Variants in TIAM2 observed in about 807,000 individuals in gnomAD.
TIAM2 encodes TIAM Rac1 associated GEF 2.
In TIAM2, 80 loss-of-function variants were observed where a neutral mutation model predicts 152.9. That is an observed-to-expected ratio of 0.52 (90% CI 0.44 to 0.63). The LOEUF is 0.63. TIAM2 is among the 30% of genes least tolerant of loss of function. The pLI, the probability that TIAM2 is intolerant of heterozygous loss-of-function variation, is 0.00. For missense variants in TIAM2, 1,965 were observed against 2,120.1 expected, an observed-to-expected ratio of 0.93 and a Z score of 1.44; for synonymous variants, 804 against 838.0, an observed-to-expected ratio of 0.96 and a Z score of 0.70.
intron 5 of TIAM2, among the ~76,000 whole-genome samples, chr6:155,140,452 T>G (rs1020573301): frequency 6.6e-6 from 1 of 152,162 alleles, no homozygotes; most frequent in African/African-American, 2.4e-5. Context: ...TTAAAATTAA[T>G]TCTGTGAGAA....
At position 155,157,558 on chromosome 6, in the gene TIAM2, C is replaced by T. The variant is rs181942950; in HGVS notation, c.2029-6857C>T. 5.9e-5 allele frequency among the ~76,000 whole-genome samples: 9 copies of T among 152,018 alleles called. No individual in the cohort carries two copies. In the East Asian group the frequency reaches 9.7e-4, roughly 16 times the overall value. On this transcript the variant is annotated intron_variant, in intron 7 of 26. Coordinates refer to ENST00000682666, the MANE Select transcript of TIAM2 (RefSeq NM_012454.4). ...CTGGGTGCAAGCGATCCTCCTGTCT[C>T]GGCCTCTCAAAGTGCTGGGATTATA...
intron 15 of TIAM2, among the ~76,000 whole-genome samples, chr6:155,233,323 G>A (rs879754895): frequency 1.3e-5 from 2 of 152,204 alleles, no homozygotes; most frequent in Non-Finnish European, 2.9e-5. Flanking sequence ...CTGTCATCAA[G>A]AGGAGGCCAT....
intron 1 of TIAM2, among the ~76,000 whole-genome samples, chr6:155,056,617 C>T (rs959427883): frequency 9.2e-6 from 1 of 108,218 alleles, no homozygotes; most frequent in African/African-American, 3.5e-5. Flanking sequence ...TATCTCTTGA[C>T]TAACTTATTC....
chr6:155,240,451 A>G, intron 15 of TIAM2, 79 bp from the exon 16 acceptor site: 1 of 1,459,236 alleles, frequency 6.9e-7, no homozygotes. Flanking sequence ...ACAGACGGAG[A>G]CACTTGGTGC....
In TIAM2 at chr6:155,137,736, T is replaced by C. The variant is rs73575621; in HGVS notation, c.1630+124T>C. 1.4e-4 allele frequency: 151 copies of C among 1,055,952 alleles called. No individual in the cohort carries two copies. In the African/African-American group the frequency reaches 2.3e-3, roughly 16 times the overall value. The allele number at this position is 1,055,952 out of a possible 1,614,324, so 65.4% of individuals were successfully genotyped here. ...CATGAGGGGTTTGACACAGGATCCA[T>C]GGGCTGCCTTCATGCAGATACTTTC... On this transcript the variant is annotated intron_variant, in intron 5 of 26. Coordinates refer to ENST00000682666, the MANE Select transcript of TIAM2 (RefSeq NM_012454.4).
intron 1 of TIAM2, among the ~76,000 whole-genome samples, chr6:155,043,933 T>C (rs1391669262): frequency 6.6e-6 from 1 of 152,066 alleles, no homozygotes; most frequent in Non-Finnish European, 1.5e-5. Flanking sequence ...TCTTACCCCA[T>C]AGTGTACACA....
At chr6:155,063,569 G>T (rs1777631338) in intron 1 of TIAM2, among the ~76,000 whole-genome samples, 1 of 152,044 alleles carries the variant, frequency 6.6e-6, no homozygotes, top group Admixed American at 6.6e-5. Context: ...GGATCACAAG[G>T]TCAAGAGGTC....
chr6:155,076,876 A>G (rs868406072), intron 1 of TIAM2, among the ~76,000 whole-genome samples: 4 of 152,156 alleles, frequency 2.6e-5, no homozygotes, highest in Non-Finnish European at 5.9e-5. Flanking sequence ...TTGTATTTTT[A>G]GTAGAGACGG....
At chr6:155,236,109 G>A (rs746793266) in intron 15 of TIAM2, among the ~76,000 whole-genome samples, 10 of 152,006 alleles carry the variant, frequency 6.6e-5, no homozygotes, top group African/African-American at 9.7e-5. Context: ...CTTGGAGTCC[G>A]AGTATTATCA....
chr6:155,136,305 G>A (rs1350342845), intron 4 of TIAM2, among the ~76,000 whole-genome samples: 2 of 151,432 alleles, frequency 1.3e-5, no homozygotes, highest in Non-Finnish European at 2.9e-5. Context: ...ATGGAGTTTC[G>A]CTCTTGTTGC....
intron 2 of TIAM2, among the ~76,000 whole-genome samples, chr6:155,096,971 G>A (rs1224447769): frequency 6.6e-6 from 1 of 152,196 alleles, no homozygotes; most frequent in Admixed American, 6.5e-5. Flanking sequence ...CCTTCAAAGA[G>A]TGTACAAGGG....
intron 15 of TIAM2, among the ~76,000 whole-genome samples, chr6:155,238,251 A>G (rs573461275): frequency 4.6e-5 from 7 of 152,316 alleles, no homozygotes; most frequent in African/African-American, 1.7e-4. Context: ...CAAGTTCCTC[A>G]TCTCCATCTG....
At chr6:155,229,279 T>C (rs1782365010) in intron 15 of TIAM2, among the ~76,000 whole-genome samples, 1 of 152,232 alleles carries the variant, frequency 6.6e-6, no homozygotes, top group Non-Finnish European at 1.5e-5. Flanking sequence ...GAGATGAATT[T>C]GACTGTTCTT....
intron 1 of TIAM2, chr6:155,022,404 A>C (rs1776517106): frequency 6.6e-6 from 1 of 152,318 alleles, no homozygotes; most frequent in Non-Finnish European, 1.5e-5. Flanking sequence ...GGTTCAAGTG[A>C]TTCTCCTGCC....
At chr6:155,076,282 C>T (rs577150264) in intron 1 of TIAM2, among the ~76,000 whole-genome samples, 4 of 152,116 alleles carry the variant, frequency 2.6e-5, no homozygotes, top group Admixed American at 2.0e-4. Context: ...TACTCTGTGG[C>T]GTTCCAAAAA....
At chr6:155,086,207 T>C (rs1230222189) in intron 1 of TIAM2, among the ~76,000 whole-genome samples, 1 of 152,206 alleles carries the variant, frequency 6.6e-6, no homozygotes, top group Non-Finnish European at 1.5e-5. Context: ...TTGGAACCAG[T>C]AACTTGTCAT....
intron 14 of TIAM2, among the ~76,000 whole-genome samples, chr6:155,204,930 A>G (rs1357344544): frequency 6.6e-6 from 1 of 152,134 alleles, no homozygotes; most frequent in African/African-American, 2.4e-5. Context: ...TTCTGATTCC[A>G]GGATGGCACC....
intron 15 of TIAM2, among the ~76,000 whole-genome samples, chr6:155,237,861 G>A (rs1217685493): frequency 2.0e-5 from 3 of 152,210 alleles, no homozygotes; most frequent in East Asian, 3.9e-4. Flanking sequence ...GGCCTGTGAT[G>A]GGAAGGGCTG....
At chr6:155,002,104 AAATTAATG>A (rs1778323231) in intron 1 of TIAM2, among the ~76,000 whole-genome samples, 2 of 152,228 alleles carry the variant, frequency 1.3e-5, no homozygotes, top group African/African-American at 4.8e-5. Flanking sequence ...GAGGATTGAG[AAATTAATG>A]AATTAACATA....
Sources: gnomAD v4.1 joint callset for allele counts (sites outside exome capture counted in the v4.1 genomes callset) on GRCh38, gnomAD v4.1.1 for gene constraint, MANE v1.5 for transcripts, NCBI Gene and HGNC (gene_info 2026-07-23, HGNC 2026-07-21) for gene names.